Variants in EXT2 observed in about 807,000 individuals in gnomAD.
EXT2 encodes the protein exostosin-2.
In EXT2, 53 loss-of-function variants were observed where a neutral mutation model predicts 81.6. The observed-to-expected ratio is 0.65, with a 90% confidence interval of 0.52 to 0.82. The LOEUF (loss-of-function observed/expected upper bound fraction) is 0.82, where lower values mean the gene tolerates loss of function less well. EXT2 is among the 40% of genes least tolerant of loss of function. EXT2 has a pLI of 0.00. For missense variants in EXT2, 774 were observed against 910.2 expected (o/e 0.85, Z 1.93); for synonymous variants, 320 against 340.0 (o/e 0.94, Z 0.65).
At chr11:44,188,270 G>A (rs936498048) in intron 8 of EXT2, among the ~76,000 whole-genome samples, 5 of 152,072 alleles carry the variant, frequency 3.3e-5, no homozygotes, top group Admixed American at 1.3e-4. Flanking sequence ...GCTTTGACCT[G>A]GTAACTCTGT....
intron 8 of EXT2, among the ~76,000 whole-genome samples, chr11:44,195,354 A>C (rs1328028680): frequency 6.6e-6 from 1 of 152,024 alleles, no homozygotes; most frequent in African/African-American, 2.4e-5. Flanking sequence ...GAATCTTTTG[A>C]ACCCGGGAGA....
rs532468542 is a variant in EXT2 at position 44,114,194 on chromosome 11, G to T, written c.636G>T (p.Leu212Phe). 4.3e-6 allele frequency: 7 copies of T among 1,614,056 alleles called. No individual in the cohort carries two copies. In the Admixed American group the frequency reaches 6.7e-5, roughly 15 times the overall value. ...AATACTTTGCTTTCAGGGCCCTGTT[G>T]GCTGGTGGCGGCTTTTCTACGTGGA... is the stretch of plus-strand genomic sequence containing the variant. ...ALDVPRDRALLAGGGFSTWTY... is the reference protein window; with the variant it reads ...ALDVPRDRALFAGGGFSTWTY... Residue 212 changes from leucine (L) to phenylalanine (F), a missense_variant, in exon 4 of 14, where the codon TTG (leucine) becomes TTT (phenylalanine). Coordinates refer to ENST00000533608, the MANE Select transcript of EXT2 (RefSeq NM_207122.2).
At chr11:44,117,780 C>T (rs190243327) in intron 4 of EXT2, among the ~76,000 whole-genome samples, 8 of 152,234 alleles carry the variant, frequency 5.3e-5, no homozygotes, top group East Asian at 1.9e-4. Context: ...TTTTAAGAGA[C>T]GAGGTCTCGC....
chr11:44,127,021 C>T (rs577807575), intron 6 of EXT2, 66 bp downstream of exon 6: 7 of 1,584,198 alleles, frequency 4.4e-6, no homozygotes, highest in South Asian at 3.3e-5. Context: ...AAAATCTCCT[C>T]AGGTCATTGT....
intron 13 of EXT2, among the ~76,000 whole-genome samples, chr11:44,239,689 CTTTTTTTTTTTTTTT>C (rs397849292): frequency 3.5e-5 from 3 of 85,340 alleles, no homozygotes; most frequent in African/African-American, 5.0e-5. Flanking sequence ...CCCTGCCTGG[CTTTTTTTTTTTTTTT>C]TTTTTTTTTT....
Position 44,130,038 on chromosome 11 carries a change from T to C in EXT2, c.1080-7T>C. On this transcript the variant is annotated splice_polypyrimidine_tract_variant and splice_region_variant and intron_variant, in intron 6 of 13. Coordinates refer to ENST00000533608, the MANE Select transcript of EXT2 (RefSeq NM_207122.2). Reference sequence around the variant, plus strand: ...GTGTATGTAAACTGTTTTGCTGTTGTCTCCAGAGCATCTGTGGTTGTACCA... The same window carrying C: ...GTGTATGTAAACTGTTTTGCTGTTGCCTCCAGAGCATCTGTGGTTGTACCA... 1 of 1,612,124 alleles carries C rather than the reference T, an allele frequency of 6.2e-7. No individual in the cohort carries two copies. Among genetic ancestry groups the C allele is most frequent in the South Asian group, 1.1e-5 (1 of 91,024 alleles).
At chr11:44,168,646 T>A (rs966838065) in intron 7 of EXT2, among the ~76,000 whole-genome samples, 18 of 152,228 alleles carry the variant, frequency 1.2e-4, no homozygotes, top group Admixed American at 1.1e-3. Flanking sequence ...TCAGCTGATT[T>A]ATTAATGAAA....
chr11:44,216,423 A>AT (rs1394026349), intron 10 of EXT2, among the ~76,000 whole-genome samples: 2 of 152,216 alleles, frequency 1.3e-5, no homozygotes, highest in African/African-American at 4.8e-5. Context: ...GAGAGATTGC[A>AT]TGTGTTAAGA....
intron 8 of EXT2, among the ~76,000 whole-genome samples, chr11:44,181,008 G>C (rs554063742): frequency 6.6e-6 from 1 of 152,198 alleles, no homozygotes; most frequent in East Asian, 1.9e-4. Context: ...GGCTGAGGTG[G>C]GAGAATCACT....
At chr11:44,098,081 T>C (rs1953927055) in intron 1 of EXT2, among the ~76,000 whole-genome samples, 1 of 152,206 alleles carries the variant, frequency 6.6e-6, no homozygotes, top group African/African-American at 2.4e-5. Flanking sequence ...AAATTCTTGT[T>C]TTGATCCAGG....
intron 9 of EXT2, among the ~76,000 whole-genome samples, chr11:44,198,494 A>G (rs1296831069): frequency 6.6e-6 from 1 of 151,956 alleles, no homozygotes; most frequent in Non-Finnish European, 1.5e-5. Flanking sequence ...AGAAGTTCCC[A>G]TTGGTTCTTC....
intron 7 of EXT2, among the ~76,000 whole-genome samples, chr11:44,150,712 T>C (rs1954781053): frequency 6.6e-6 from 1 of 152,236 alleles, no homozygotes. Flanking sequence ...TTCTCTCTCC[T>C]TAATCCATTT....
At chr11:44,201,842 A>G (rs1372900063) in intron 9 of EXT2, among the ~76,000 whole-genome samples, 1 of 152,102 alleles carries the variant, frequency 6.6e-6, no homozygotes, top group African/African-American at 2.4e-5. Flanking sequence ...AAAATTCCAT[A>G]TCAGGATTAT....
At chr11:44,164,907 C>T (rs904891369) in intron 7 of EXT2, among the ~76,000 whole-genome samples, 3 of 139,404 alleles carry the variant, frequency 2.2e-5, no homozygotes, top group African/African-American at 8.1e-5. Flanking sequence ...GAGACGGAGT[C>T]TCGCTCTGTC....
chr11:44,184,881 A>C (rs1266203558), intron 8 of EXT2, among the ~76,000 whole-genome samples: 2 of 152,228 alleles, frequency 1.3e-5, no homozygotes, highest in Non-Finnish European at 1.5e-5. Context: ...ACTCTTCATT[A>C]TGGTAAATAC....
intron 7 of EXT2, among the ~76,000 whole-genome samples, chr11:44,169,155 G>T (rs1463994355): frequency 1.3e-5 from 2 of 152,090 alleles, no homozygotes; most frequent in Non-Finnish European, 2.9e-5. Flanking sequence ...GGGAGGTGGA[G>T]GTTGCAGTGA....
intron 8 of EXT2, among the ~76,000 whole-genome samples, chr11:44,182,596 C>T (rs1955250886): frequency 6.6e-6 from 1 of 152,180 alleles, no homozygotes; most frequent in South Asian, 2.1e-4. Context: ...GTACTCTTCA[C>T]CCAGATTCTT....
chr11:44,164,278 A>C (rs1200360182), intron 7 of EXT2, among the ~76,000 whole-genome samples: 2 of 152,126 alleles, frequency 1.3e-5, no homozygotes, highest in Non-Finnish European at 2.9e-5. Context: ...TAGATCCTTT[A>C]ATATATTAAT....
intron 10 of EXT2, among the ~76,000 whole-genome samples, chr11:44,221,843 G>A (rs985158911): frequency 1.4e-4 from 21 of 152,148 alleles, no homozygotes; most frequent in Admixed American, 2.6e-4. Context: ...CTGCAAAATC[G>A]TGAGTTTCAG....
Sources: gnomAD v4.1 joint callset for allele counts (sites outside exome capture counted in the v4.1 genomes callset) on GRCh38, gnomAD v4.1.1 for gene constraint, MANE v1.5 for transcripts, NCBI Gene and HGNC (gene_info 2026-07-23, HGNC 2026-07-21) for gene names.